Variants in EEFSEC observed in about 807,000 individuals in gnomAD.
The protein encoded by EEFSEC is eukaryotic elongation factor, selenocysteine-tRNA specific.
EEFSEC carries 43 observed loss-of-function variants against 42.1 expected under a neutral mutation model. That is an observed-to-expected ratio of 1.02 (90% CI 0.80 to 1.32). The LOEUF is 1.32. Among genes scored for constraint, EEFSEC ranks in the 40% most tolerant of loss-of-function variants. EEFSEC has a pLI of 0.00. For synonymous variants in EEFSEC, 354 were observed against 339.1 expected (o/e 1.04, Z -0.48); for missense variants, 745 against 803.6 (o/e 0.93, Z 0.88).
chr3:128,350,128 C>G (rs1263761184), intron 5 of EEFSEC, among the ~76,000 whole-genome samples: 4 of 152,220 alleles, frequency 2.6e-5, no homozygotes, highest in Non-Finnish European at 5.9e-5. Flanking sequence ...CAGGAGCACT[C>G]GCCAGCTTTG....
chr3:128,351,787 CT>C (rs1399147468), intron 5 of EEFSEC, among the ~76,000 whole-genome samples: 3 of 152,356 alleles, frequency 2.0e-5, no homozygotes, highest in African/African-American at 7.2e-5. Flanking sequence ...TGCACAGTGA[CT>C]GCTCCTCAGG....
At chr3:128,421,337 C>T in the EEFSEC span, among the ~76,000 whole-genome samples, 2 of 152,206 alleles carry the variant, frequency 1.3e-5, no homozygotes, top group African/African-American at 2.4e-5. Flanking sequence ...CCAGCGTGAA[C>T]GAGGGGGTCA....
At chr3:128,394,967 G>T (rs1471444497) in intron 6 of EEFSEC, among the ~76,000 whole-genome samples, 2 of 152,220 alleles carry the variant, frequency 1.3e-5, no homozygotes, top group Non-Finnish European at 2.9e-5. Flanking sequence ...AGGAAGGAGA[G>T]AGGGAAAGGG....
intron 4 of EEFSEC, among the ~76,000 whole-genome samples, chr3:128,311,369 T>C (rs1173048099): frequency 6.6e-6 from 1 of 152,242 alleles, no homozygotes; most frequent in Admixed American, 6.5e-5. Flanking sequence ...AGAAGAAGCA[T>C]GGACATGTTA....
At chr3:128,310,087 G>C (rs1005756509) in intron 4 of EEFSEC, among the ~76,000 whole-genome samples, 1 of 152,234 alleles carries the variant, frequency 6.6e-6, no homozygotes, top group African/African-American at 2.4e-5. Context: ...TGCGGTATCT[G>C]TGCTTTTCAG....
chr3:128,186,396 G>A (rs1480782604), intron 1 of EEFSEC, among the ~76,000 whole-genome samples: 13 of 152,154 alleles, frequency 8.5e-5, no homozygotes, highest in Admixed American at 8.5e-4. Context: ...TCTTGATAGT[G>A]TCCTTTGAAG....
At chr3:128,171,631 A>G (rs540820216) in intron 1 of EEFSEC, among the ~76,000 whole-genome samples, 2 of 152,278 alleles carry the variant, frequency 1.3e-5, no homozygotes, top group South Asian at 4.2e-4. Flanking sequence ...CAAAGCAAGG[A>G]CTTTCCAGGA....
chr3:128,343,740 A>T (rs980412636), intron 5 of EEFSEC, among the ~76,000 whole-genome samples: 12 of 152,166 alleles, frequency 7.9e-5, no homozygotes, highest in Non-Finnish European at 8.8e-5. Flanking sequence ...GCAAGTAAAC[A>T]TATGGCCTCA....
Position 128,224,562 on chromosome 3 carries a change from C to T in EEFSEC, c.317-22274C>T, listed in dbSNP as rs574464381. ...AACAAACATTCATGTACCCATCAGG[C>T]AGACTGAACAGTTACTAAGATTTCA... On this transcript the variant is annotated intron_variant, in intron 1 of 6. Transcript: ENST00000254730. 2.0e-3 allele frequency among the ~76,000 whole-genome samples: 307 copies of T among 152,304 alleles called. 4 individuals are homozygous for T. Among genetic ancestry groups the T allele is most frequent in the African/African-American group, 6.8e-3 (284 of 41,558 alleles).
intron 4 of EEFSEC, among the ~76,000 whole-genome samples, chr3:128,322,402 G>A (rs2067017396): frequency 6.6e-6 from 1 of 152,340 alleles, no homozygotes; most frequent in African/African-American, 2.4e-5. Context: ...TACTGCTGCC[G>A]ACATCATCAT....
intron 4 of EEFSEC, among the ~76,000 whole-genome samples, chr3:128,302,214 T>C (rs1402309040): frequency 6.6e-6 from 1 of 152,210 alleles, no homozygotes; most frequent in Non-Finnish European, 1.5e-5. Context: ...CATAGAGTGA[T>C]ACGCCTGTTC....
At chr3:128,401,641 G>A (rs1036398814) in intron 6 of EEFSEC, among the ~76,000 whole-genome samples, 28 of 152,296 alleles carry the variant, frequency 1.8e-4, no homozygotes, top group Non-Finnish European at 2.6e-4. Context: ...GAGGGGTGAG[G>A]CTGAGAGAGA....
At chr3:128,299,464 C>T (rs974700858) in intron 4 of EEFSEC, among the ~76,000 whole-genome samples, 3 of 152,124 alleles carry the variant, frequency 2.0e-5, no homozygotes, top group Admixed American at 2.0e-4. Flanking sequence ...AGTTGAGTTC[C>T]TTATACAGTC....
At chr3:128,277,521 A>C (rs1209432441) in intron 4 of EEFSEC, among the ~76,000 whole-genome samples, 1 of 152,116 alleles carries the variant, frequency 6.6e-6, no homozygotes, top group African/African-American at 2.4e-5. Context: ...ATTCTAGATG[A>C]GGGTGATTGA....
intron 4 of EEFSEC, among the ~76,000 whole-genome samples, chr3:128,290,260 T>C (rs367888158): frequency 7.2e-5 from 11 of 152,240 alleles, no homozygotes; most frequent in African/African-American, 2.4e-4. Context: ...AATTTTTTTG[T>C]ATGGTGTGAA....
chr3:128,421,597 C>T, the EEFSEC span, among the ~76,000 whole-genome samples: 1 of 152,242 alleles, frequency 6.6e-6, no homozygotes, highest in Admixed American at 6.5e-5. Flanking sequence ...CATTCAGCCT[C>T]TTGTGCCGAC....
chr3:128,301,633 C>T (rs2066769690), intron 4 of EEFSEC, among the ~76,000 whole-genome samples: 1 of 152,172 alleles, frequency 6.6e-6, no homozygotes. Flanking sequence ...GTCCAGTGTC[C>T]TCCTTAGGCA....
rs534643142 is a variant in EEFSEC at position 128,276,400 on chromosome 3, T to C, written c.786+11619T>C. 1.1e-4 allele frequency among the ~76,000 whole-genome samples: 17 copies of C among 152,280 alleles called. No individual in the cohort carries two copies. The East Asian group carries it at 3.3e-3, about 29-fold the overall frequency. ...TTTGAGGAAACCATGGGCCAGAGGT[T>C]GGACTCTGAAGTTAGACAAACCTGG... On this transcript the variant is annotated intron_variant, in intron 4 of 6. Coordinates refer to ENST00000254730, the MANE Select transcript of EEFSEC (RefSeq NM_021937.5).
chr3:128,318,066 C>A (rs544175962), intron 4 of EEFSEC, among the ~76,000 whole-genome samples: 4 of 152,234 alleles, frequency 2.6e-5, no homozygotes, highest in African/African-American at 7.2e-5. Flanking sequence ...ATACAACAGG[C>A]TCTGTGGACA....
Sources: allele counts gnomAD v4.1 joint callset (sites outside exome capture counted in the v4.1 genomes callset), GRCh38; gene constraint gnomAD v4.1.1; transcripts MANE v1.5; gene names NCBI Gene and HGNC (gene_info 2026-07-23, HGNC 2026-07-21).